RBMS1: variants seen among roughly 807,000 people sequenced by gnomAD.
RBMS1 encodes RNA-binding motif, single-stranded-interacting protein 1.
RBMS1 carries 17 observed loss-of-function variants against 62.3 expected under a neutral mutation model. The ratio of observed to expected loss-of-function variants is 0.27; its 90% CI spans 0.19 to 0.41. The LOEUF (loss-of-function observed/expected upper bound fraction) is 0.41, where lower values mean the gene tolerates loss of function less well. Ranked by LOEUF, RBMS1 falls within the 10% of genes least tolerant of loss-of-function variation. RBMS1 has a pLI of 1.00. For synonymous variants in RBMS1, 172 were observed against 170.0 expected (o/e 1.01, Z -0.09); for missense variants, 334 against 504.5 (o/e 0.66, Z 3.24).
chr2:160,289,822 C>A (rs1468431276), intron 6 of RBMS1, among the ~76,000 whole-genome samples: 2 of 151,928 alleles, frequency 1.3e-5, no homozygotes, highest in Admixed American at 6.6e-5. Flanking sequence ...TTAGAAACAG[C>A]TTCTCCCTAT....
At chr2:160,350,242 T>C (rs1370588971) in intron 2 of RBMS1, among the ~76,000 whole-genome samples, 1 of 152,036 alleles carries the variant, frequency 6.6e-6, no homozygotes, top group Non-Finnish European at 1.5e-5. Flanking sequence ...ACTAACAGCA[T>C]TACAAGTGGA....
chr2:160,300,225 A>ACAACAC (rs1231726289), intron 6 of RBMS1, among the ~76,000 whole-genome samples: 1 of 152,214 alleles, frequency 6.6e-6, no homozygotes, highest in African/African-American at 2.4e-5. Context: ...CTTGGTAATG[A>ACAACAC]CAACACAATG....
At chr2:160,413,817 T>A (rs1458482947) in intron 1 of RBMS1, among the ~76,000 whole-genome samples, 1 of 152,172 alleles carries the variant, frequency 6.6e-6, no homozygotes, top group Non-Finnish European at 1.5e-5. Flanking sequence ...AGAATGACTA[T>A]CCCATTTTAC....
At chr2:160,397,590 C>T (rs1032559716) in intron 1 of RBMS1, among the ~76,000 whole-genome samples, 1 of 152,086 alleles carries the variant, frequency 6.6e-6, no homozygotes, top group Admixed American at 6.6e-5. Context: ...CTCTCTTTGG[C>T]GTCTGACTTT....
rs935461678 is a variant in RBMS1 at position 160,493,402 on chromosome 2, C to G, written c.-39G>C. 5.0e-6 allele frequency: 8 copies of G among 1,601,178 alleles called. No individual in the cohort carries two copies. Among genetic ancestry groups the G allele is most frequent in the Non-Finnish European group, 6.8e-6 (8 of 1,168,886 alleles). ...AGCCTGCCGTGCAGGGTCGCGGACA[C>G]TTTGGGGTTTCCAAGTCTCGGGCTC... On this transcript the variant is annotated 5_prime_UTR_variant, in exon 1 of 14. Coordinates refer to ENST00000348849, the MANE Select transcript of RBMS1 (RefSeq NM_016836.4).
chr2:160,289,190 T>A (rs994944324), intron 6 of RBMS1, among the ~76,000 whole-genome samples: 1 of 152,172 alleles, frequency 6.6e-6, no homozygotes, highest in African/African-American at 2.4e-5. Flanking sequence ...AGTGATGACA[T>A]GTTTGCAATT....
At chr2:160,407,906 G>GAGCGCGCCGGCCGGGGGCGGGGAGGCGGC in intron 1 of RBMS1, 2 of 980,750 alleles carry the variant, frequency 2.0e-6, no homozygotes, top group South Asian at 4.7e-5. Flanking sequence ...ACCGCCCTGA[G>GAGCGCGCCGGCCGGGGGCGGGGAGGCGGC]AGCGCGCCGG....
intron 1 of RBMS1, among the ~76,000 whole-genome samples, chr2:160,472,498 A>T (rs1684963283): frequency 6.6e-6 from 1 of 152,206 alleles, no homozygotes; most frequent in Admixed American, 6.5e-5. Flanking sequence ...ATATGATGTG[A>T]ACTTAAAAGT....
intron 11 of RBMS1, chr2:160,278,222 T>A (rs1687932822): frequency 3.2e-6 from 1 of 310,500 alleles, no homozygotes; most frequent in African/African-American, 2.2e-5. Flanking sequence ...TACCATCTTG[T>A]ATTACCTTCG....
chr2:160,324,882 G>GTGTGTA (rs1206910746), intron 2 of RBMS1, among the ~76,000 whole-genome samples: 2 of 100,016 alleles, frequency 2.0e-5, no homozygotes, highest in African/African-American at 8.5e-5. Context: ...GTGTGTGTGT[G>GTGTGTA]TATATATATA....
chr2:160,276,339 T>TACC (rs373432177), intron 12 of RBMS1, among the ~76,000 whole-genome samples: 2,244 of 150,832 alleles, frequency 0.015, 53 homozygotes, highest in African/African-American at 0.049. Context: ...AAAATACTAC[T>TACC]ACCACCACCA....
intron 1 of RBMS1, among the ~76,000 whole-genome samples, chr2:160,490,306 T>TAAA (rs60444709): frequency 6.9e-6 from 1 of 144,024 alleles, no homozygotes; most frequent in Non-Finnish European, 1.5e-5. Context: ...CACTGAGAAA[T>TAAA]AAAAAAAAAA....
chr2:160,472,425 C>T (rs1041438460), intron 1 of RBMS1, among the ~76,000 whole-genome samples: 1 of 152,092 alleles, frequency 6.6e-6, no homozygotes, highest in Non-Finnish European at 1.5e-5. Context: ...GCTAACAACA[C>T]CGAAGGATAA....
chr2:160,441,223 A>G (rs1683397490), intron 1 of RBMS1, among the ~76,000 whole-genome samples: 1 of 152,170 alleles, frequency 6.6e-6, no homozygotes, highest in African/African-American at 2.4e-5. Context: ...TTTATTGCTA[A>G]GTAGTATGAC....
intron 4 of RBMS1, among the ~76,000 whole-genome samples, chr2:160,309,418 T>C (rs918219650): frequency 2.6e-5 from 4 of 152,130 alleles, no homozygotes; most frequent in Non-Finnish European, 4.4e-5. Context: ...GAAGTAACTC[T>C]CTCCTAAGGA....
intron 1 of RBMS1, among the ~76,000 whole-genome samples, chr2:160,395,623 C>CAAA (rs776181927): frequency 1.5e-4 from 8 of 52,950 alleles, no homozygotes; most frequent in Admixed American, 1.9e-4. Flanking sequence ...GACTCCGTCT[C>CAAA]AAAAAAAAAA....
chr2:160,307,361 G>GAA (rs762396045), intron 4 of RBMS1, among the ~76,000 whole-genome samples: 20,652 of 85,510 alleles, frequency 0.24, 2,800 homozygotes, highest in East Asian at 0.51. Context: ...CCTATTTATT[G>GAA]AAAAAAAAAA....
intron 6 of RBMS1, among the ~76,000 whole-genome samples, chr2:160,289,141 C>A (rs1390793950): frequency 6.6e-6 from 1 of 152,060 alleles, no homozygotes; most frequent in Non-Finnish European, 1.5e-5. Flanking sequence ...GACAATAAAG[C>A]CTGCTAAAAA....
At chr2:160,338,397 C>T (rs753359215) in intron 2 of RBMS1, among the ~76,000 whole-genome samples, 4 of 152,104 alleles carry the variant, frequency 2.6e-5, no homozygotes, top group Non-Finnish European at 5.9e-5. Flanking sequence ...CACTTTTTCA[C>T]TCCTCCTTTA....
Sources: allele counts gnomAD v4.1 joint callset (sites outside exome capture counted in the v4.1 genomes callset), GRCh38; gene constraint gnomAD v4.1.1; transcripts MANE v1.5; gene names NCBI Gene and HGNC (gene_info 2026-07-23, HGNC 2026-07-21).